HIBCH: variants seen among roughly 807,000 people sequenced by gnomAD.
The protein encoded by HIBCH is 3-hydroxyisobutyryl-CoA hydrolase, mitochondrial.
HIBCH carries 50 observed loss-of-function variants against 58.2 expected under a neutral mutation model. The ratio of observed to expected loss-of-function variants is 0.86; its 90% CI spans 0.68 to 1.09. HIBCH has a LOEUF of 1.09. HIBCH is among the 50% of genes least tolerant of loss of function. The pLI, the probability that HIBCH is intolerant of heterozygous loss-of-function variation, is 0.00. For synonymous variants in HIBCH, 151 were observed against 146.9 expected (o/e 1.03, Z -0.20); for missense variants, 450 against 449.7 (o/e 1.00, Z -0.01).
chr2:190,246,251 A>G (rs538425745), intron 9 of HIBCH, 39 bp from the exon 10 acceptor site: 3 of 1,171,992 alleles, frequency 2.6e-6, no homozygotes, highest in Admixed American at 1.8e-5. Context: ...ATTTGAACAC[A>G]ATTTTTTAAT....
chr2:190,192,101 A>G (rs1337292530), intron 1 of HIBCH, among the ~76,000 whole-genome samples: 1 of 152,172 alleles, frequency 6.6e-6, no homozygotes, highest in Non-Finnish European at 1.5e-5. Flanking sequence ...ATTTAAAACT[A>G]TGATCCCTTT....
intron 6 of HIBCH, among the ~76,000 whole-genome samples, chr2:190,266,637 T>C (rs192846646): frequency 1.9e-3 from 293 of 152,292 alleles, no homozygotes; most frequent in African/African-American, 6.5e-3. Context: ...TTTCACCATG[T>C]TGGCCAGGCT....
At chr2:190,318,005 T>C (rs1022079870) in intron 1 of HIBCH, among the ~76,000 whole-genome samples, 1 of 151,928 alleles carries the variant, frequency 6.6e-6, no homozygotes, top group Non-Finnish European at 1.5e-5. Context: ...TTTGTATTTT[T>C]AGTAGAGACG....
intron 2 of HIBCH, among the ~76,000 whole-genome samples, chr2:190,297,851 T>C (rs765416631): frequency 3.3e-5 from 5 of 152,186 alleles, no homozygotes; most frequent in Non-Finnish European, 5.9e-5. Context: ...ACCTGTTATC[T>C]AGGTTTTAAA....
chr2:190,314,349 GT>G (rs1688650542), intron 1 of HIBCH, among the ~76,000 whole-genome samples: 2 of 27,776 alleles, frequency 7.2e-5, no homozygotes, highest in African/African-American at 3.0e-4. Context: ...ATATATATGT[GT>G]ATATATACGT....
At chr2:190,285,581 C>A (rs565833478) in intron 6 of HIBCH, among the ~76,000 whole-genome samples, 2 of 152,272 alleles carry the variant, frequency 1.3e-5, no homozygotes, top group East Asian at 3.9e-4. Context: ...AAAGGGGGAA[C>A]TTCCTGTATT....
At position 190,288,557 on chromosome 2, in the gene HIBCH, T is replaced by C. The variant is rs1371442599; in HGVS notation, c.386-919A>G. The stretch of plus-strand genomic sequence containing the variant: ...AAAATATCCATTAATGTAGAACAGA[T>C]AATTAATGTGGGATATAATCATAAT... On this transcript the variant is annotated intron_variant, in intron 5 of 13. Transcript: ENST00000359678. Among the ~76,000 whole-genome samples, 3 of 151,120 alleles carry C rather than the reference T, an allele frequency of 2.0e-5. No homozygotes were observed. In the Admixed American group the frequency reaches 2.0e-4, roughly 10 times the overall value.
chr2:190,276,024 C>T (rs777336521), intron 6 of HIBCH, among the ~76,000 whole-genome samples: 1 of 152,134 alleles, frequency 6.6e-6, no homozygotes, highest in Non-Finnish European at 1.5e-5. Flanking sequence ...AGAACTGTAA[C>T]AGGAGATGAA....
intron 6 of HIBCH, among the ~76,000 whole-genome samples, chr2:190,272,337 T>C (rs191772850): frequency 4.6e-5 from 7 of 152,342 alleles, no homozygotes; most frequent in Admixed American, 4.6e-4. Context: ...TCTCAAATGA[T>C]GGCTAAAGTC....
At chr2:190,199,545 T>G (rs1690143989), downstream of HIBCH, among the ~76,000 whole-genome samples, 1 of 152,250 alleles carries the variant, frequency 6.6e-6, no homozygotes, top group Non-Finnish European at 1.5e-5. Context: ...TGAGTGATTA[T>G]CTTTTTCTTC....
chr2:190,244,805 A>C (rs578258359), intron 11 of HIBCH, 82 bp downstream of exon 11: 150 of 869,984 alleles, frequency 1.7e-4, no homozygotes, highest in Non-Finnish European at 2.8e-4. Context: ...CCACCAATGG[A>C]GCACTAATAC....
intron 6 of HIBCH, among the ~76,000 whole-genome samples, chr2:190,285,955 C>G (rs1031548067): frequency 9.2e-5 from 14 of 152,126 alleles, no homozygotes; most frequent in African/African-American, 2.9e-4. Context: ...AATTCTCGTG[C>G]CTCAGCCTCC....
intron 11 of HIBCH, among the ~76,000 whole-genome samples, chr2:190,229,219 C>T (rs6749512): frequency 0.31 from 47,657 of 151,968 alleles, 8,622 homozygotes; most frequent in African/African-American, 0.48. Context: ...ATTTAGATCA[C>T]TTTACTTTTA....
In HIBCH at chr2:190,207,137, A is replaced by G. The variant is rs753104788; in HGVS notation, c.1045+1743T>C. Reference sequence around the variant, plus strand: ...ACTCCATCTCAAAAAACAAAACAAAACAAAAAAAAGTCGTATAATAAGCAC... The same window carrying G: ...ACTCCATCTCAAAAAACAAAACAAAGCAAAAAAAAGTCGTATAATAAGCAC... On this transcript the variant is annotated intron_variant, in intron 13 of 13. Transcript: ENST00000359678. This position sits in a 1 kb window ranked among gnomAD's most constrained non-coding sequence, Gnocchi z 4.5. Among the ~76,000 whole-genome samples the G allele has an allele frequency of 1.1e-4, 17 of 151,984 alleles. No homozygotes were observed. Among genetic ancestry groups the G allele is most frequent in the Admixed American group, 2.0e-4 (3 of 15,262 alleles).
At chr2:190,192,327 T>C (rs184960510) in intron 1 of HIBCH, among the ~76,000 whole-genome samples, 1 of 152,244 alleles carries the variant, frequency 6.6e-6, no homozygotes, top group East Asian at 1.9e-4. Flanking sequence ...TTTGTCAATA[T>C]AGCACTAATT....
At chr2:190,312,669 A>C (rs1249436279) in intron 1 of HIBCH, among the ~76,000 whole-genome samples, 1 of 152,260 alleles carries the variant, frequency 6.6e-6, no homozygotes, top group Non-Finnish European at 1.5e-5. Flanking sequence ...AAATTGAATA[A>C]TACTATACAA....
Position 190,252,184 on chromosome 2 carries a change from G to A in HIBCH, c.641C>T (p.Thr214Ile). ...TACCTTTTCAGAATCTACAAAGTGT[G>A]TAGCAATTCCTGCTCTGTACACATC... ...GRDVYRAGIA[T>I]HFVDSEKLAM... Residue 214 changes from threonine to isoleucine, a missense_variant, in exon 8 of 14, where the codon ACA becomes ATA. By Grantham distance (89) the Thr-to-Ile change is moderately conservative. Coordinates refer to ENST00000359678, the MANE Select transcript of HIBCH (RefSeq NM_014362.4). 1.2e-6 allele frequency: 2 copies of A among 1,613,870 alleles called. No homozygotes were observed. Among genetic ancestry groups the A allele is most frequent in the Middle Eastern group, 1.7e-4 (1 of 6,058 alleles).
At chr2:190,201,444 ATTAT>A (rs1320980729), downstream of HIBCH, 1 of 167,054 alleles carries the variant, frequency 6.0e-6, no homozygotes, top group South Asian at 2.1e-4. Flanking sequence ...TGGAAAGGAA[ATTAT>A]TTAAGCCTGT....
rs1359514304 is a variant in HIBCH, at chr2:190,243,383, T to A, written c.891+1504A>T. On this transcript the variant is annotated intron_variant, in intron 11 of 13. Transcript: ENST00000359678. The surrounding 1 kb of genome is among the most constrained non-coding windows in gnomAD (Gnocchi z 4.1). ...GACAGCCTACTGTGGGACCTTGTGA[T>A]TGTGCAGGTTAATACTTAATAAACT... Among the ~76,000 whole-genome samples, 1 of 152,170 alleles carries A rather than the reference T, an allele frequency of 6.6e-6. No homozygotes were observed. The highest frequency in any genetic ancestry group is 1.9e-4 in the East Asian group (1 of 5,196).
Sources: allele counts gnomAD v4.1 joint callset (sites outside exome capture counted in the v4.1 genomes callset), GRCh38; gene constraint gnomAD v4.1.1; non-coding constraint Gnocchi (gnomAD v3.1); transcripts MANE v1.5; gene names NCBI Gene and HGNC (gene_info 2026-07-23, HGNC 2026-07-21).